The following DGKI variants were observed in gnomAD, a reference collection of about 807,000 sequenced individuals.
DGKI encodes the protein diacylglycerol kinase iota.
Under a neutral mutation model 147.5 loss-of-function variants are expected in DGKI, and 55 were observed. The ratio of observed to expected loss-of-function variants is 0.37; its 90% CI spans 0.30 to 0.47. The LOEUF (loss-of-function observed/expected upper bound fraction) is 0.47. Among genes scored for constraint, DGKI ranks in the 20% least tolerant of loss-of-function variants. The probability of loss-of-function intolerance (pLI) is 1.00; values close to 1 mark genes in which losing one functional copy is unlikely to be tolerated. For missense variants in DGKI, 1,007 were observed against 1,323.8 expected, an observed-to-expected ratio of 0.76 and a Z score of 3.71; for synonymous variants, 469 against 477.1, an observed-to-expected ratio of 0.98 and a Z score of 0.22.
intron 23 of DGKI, among the ~76,000 whole-genome samples, chr7:137,474,980 T>C (rs1433048343): frequency 1.3e-5 from 2 of 152,198 alleles, no homozygotes; most frequent in Admixed American, 6.5e-5. Flanking sequence ...ACACATAAAA[T>C]GCTTAACCCA....
chr7:137,510,789 G>T (rs540075064), intron 21 of DGKI, among the ~76,000 whole-genome samples: 1 of 152,304 alleles, frequency 6.6e-6, no homozygotes, highest in East Asian at 1.9e-4. Context: ...ATTCATGACA[G>T]AAAAATTTTC....
At position 137,391,351 on chromosome 7, in the gene DGKI, T is replaced by G; in HGVS notation, c.3058-15A>C. ...GGTGTCTTACCCTATACGAAAATAG[T>G]GAGAAAAAAAAAAAGAGAGAGAGAG... On this transcript the variant is annotated splice_polypyrimidine_tract_variant and intron_variant, in intron 32 of 32. Coordinates refer to ENST00000614521, the MANE Select transcript of DGKI (RefSeq NM_001321708.2). The G allele has an allele frequency of 1.4e-6, 2 of 1,445,296 alleles. No individual in the cohort carries two copies. Among genetic ancestry groups the G allele is most frequent in the South Asian group, 1.4e-5 (1 of 71,134 alleles). 89.5% of individuals were successfully genotyped at this position (1,445,296 alleles called of 1,614,324 possible). A position where few individuals can be genotyped will look rare whatever the true frequency, so the allele number is the denominator to read the frequency against.
chr7:137,669,776 A>C (rs1822776379), intron 3 of DGKI, among the ~76,000 whole-genome samples: 1 of 152,248 alleles, frequency 6.6e-6, no homozygotes, highest in Non-Finnish European at 1.5e-5. Flanking sequence ...AGAGTGAGTA[A>C]GCCTCTGTGA....
intron 2 of DGKI, among the ~76,000 whole-genome samples, chr7:137,679,613 T>G (rs1332906252): frequency 6.6e-6 from 1 of 152,128 alleles, no homozygotes; most frequent in Non-Finnish European, 1.5e-5. Flanking sequence ...TTACTCTTGT[T>G]TTTATTTTAT....
At chr7:137,443,825 G>C (rs1367256049) in intron 28 of DGKI, among the ~76,000 whole-genome samples, 2 of 152,196 alleles carry the variant, frequency 1.3e-5, no homozygotes, top group Non-Finnish European at 2.9e-5. Context: ...TGATGGGACT[G>C]AAATCAGGCA....
chr7:137,485,250 G>T, intron 23 of DGKI, 124 bp downstream of exon 23: 1 of 779,218 alleles, frequency 1.3e-6, no homozygotes. Flanking sequence ...ATTTTCACTA[G>T]ATTCTTAGAA....
intron 6 of DGKI, among the ~76,000 whole-genome samples, chr7:137,641,872 A>G (rs1192072393): frequency 6.6e-6 from 1 of 152,272 alleles, no homozygotes; most frequent in Non-Finnish European, 1.5e-5. Flanking sequence ...CACAATTACC[A>G]TAATGCTAGG....
chr7:137,656,588 T>A (rs757848092), intron 3 of DGKI, 48 bp from the exon 4 acceptor site: 2 of 1,560,798 alleles, frequency 1.3e-6, no homozygotes, highest in South Asian at 2.2e-5. Flanking sequence ...AACAGTCTGT[T>A]CTGAAGAGTT....
chr7:137,694,446 G>T (rs1433498485), intron 1 of DGKI, among the ~76,000 whole-genome samples: 1 of 151,956 alleles, frequency 6.6e-6, no homozygotes, highest in Non-Finnish European at 1.5e-5. Context: ...GTAGGTTTAT[G>T]TGGCTCCCGT....
intron 1 of DGKI, among the ~76,000 whole-genome samples, chr7:137,790,145 A>C (rs1796806254): frequency 6.6e-6 from 1 of 152,110 alleles, no homozygotes; most frequent in Non-Finnish European, 1.5e-5. Context: ...TTTATTTACA[A>C]AAACAGCCAG....
chr7:137,542,217 C>A (rs1333944338), intron 20 of DGKI, among the ~76,000 whole-genome samples: 1 of 152,066 alleles, frequency 6.6e-6, no homozygotes, highest in Admixed American at 6.5e-5. Context: ...CAGTTTCTTA[C>A]GAAGGTGAAC....
At chr7:137,751,856 T>C (rs980087013) in intron 1 of DGKI, among the ~76,000 whole-genome samples, 2 of 152,144 alleles carry the variant, frequency 1.3e-5, no homozygotes, top group African/African-American at 2.4e-5. Context: ...TTTCTAACCC[T>C]TGCAATCAAC....
chr7:137,381,719 T>C lies in DGKI; in HGVS notation c.*9501A>G, dbSNP rs1278339673. ...TCAGATTCATGGTTGCCCACTTAAC[T>C]ATTGGTAATTTTAAAAAACAGCCAA... On this transcript the variant is annotated 3_prime_UTR_variant, in exon 33 of 33. Coordinates refer to ENST00000614521, the MANE Select transcript of DGKI (RefSeq NM_001321708.2). The C allele has an allele frequency of 6.6e-6, 1 of 152,114 alleles. No individual in the cohort carries two copies. Among genetic ancestry groups the C allele is most frequent in the Non-Finnish European group, 1.5e-5 (1 of 68,016 alleles). 9.4% of individuals were successfully genotyped at this position (152,114 alleles called of 1,614,324 possible). A position where few individuals can be genotyped will look rare whatever the true frequency, so the allele number is the denominator to read the frequency against.
At chr7:137,428,331 GC>G (rs1374066058) in intron 28 of DGKI, among the ~76,000 whole-genome samples, 9 of 152,236 alleles carry the variant, frequency 5.9e-5, no homozygotes, top group African/African-American at 2.2e-4. Flanking sequence ...TGCAGAAAAG[GC>G]CTTTGACAAA....
chr7:137,514,262 T>C (rs1563062173), intron 21 of DGKI, among the ~76,000 whole-genome samples: 1 of 152,100 alleles, frequency 6.6e-6, no homozygotes, highest in African/African-American at 2.4e-5. Context: ...TAAAATAAAA[T>C]CTTATGGGAC....
chr7:137,471,004 T>C (rs908763653), intron 23 of DGKI, among the ~76,000 whole-genome samples: 3 of 152,358 alleles, frequency 2.0e-5, no homozygotes, highest in East Asian at 1.9e-4. Context: ...AAGAGAGAAC[T>C]GGCAGATTGA....
intron 27 of DGKI, 63 bp downstream of exon 27, chr7:137,463,426 C>T (rs1284758109): frequency 2.5e-6 from 4 of 1,596,094 alleles, no homozygotes; most frequent in Non-Finnish European, 3.4e-6. Context: ...GCACAGCCCA[C>T]AGTACATCCT....
At chr7:137,618,152 T>TATATATATA (rs1554442534) in intron 8 of DGKI, among the ~76,000 whole-genome samples, 9 of 14,378 alleles carry the variant, frequency 6.3e-4, no homozygotes, top group Admixed American at 1.5e-3. Context: ...TATATATATA[T>TATATATATA]TTTTTTTTTT....
chr7:137,397,931 A>T (rs1256779296), intron 30 of DGKI, among the ~76,000 whole-genome samples: 1 of 152,236 alleles, frequency 6.6e-6, no homozygotes. Flanking sequence ...CTATAGATGC[A>T]TCCTTAGGAA....
Sources: gnomAD v4.1 joint callset for allele counts (sites outside exome capture counted in the v4.1 genomes callset) on GRCh38, gnomAD v4.1.1 for gene constraint, MANE v1.5 for transcripts, NCBI Gene and HGNC (gene_info 2026-07-23, HGNC 2026-07-21) for gene names.